The following SAMD12 variants were observed in gnomAD, a reference collection of about 807,000 sequenced individuals.
The protein encoded by SAMD12 is sterile alpha motif domain containing 12.
In SAMD12, 9 loss-of-function variants were observed where a neutral mutation model predicts 15.0. The ratio of observed to expected loss-of-function variants is 0.60; its 90% CI spans 0.36 to 1.05. The LOEUF is 1.05. Ranked by LOEUF, SAMD12 falls within the 50% of genes least tolerant of loss-of-function variation. The pLI is 0.01. For missense variants in SAMD12, 230 were observed against 234.2 expected (o/e 0.98, Z 0.12); for synonymous variants, 86 against 90.1 (o/e 0.96, Z 0.25).
chr8:118,505,452 T>G (rs1824896699), intron 2 of SAMD12, among the ~76,000 whole-genome samples: 1 of 152,024 alleles, frequency 6.6e-6, no homozygotes, highest in Non-Finnish European at 1.5e-5. Context: ...GTGAAGTTGT[T>G]AGGTTGGCTT....
the SAMD12 span, among the ~76,000 whole-genome samples, chr8:118,163,649 G>A: frequency 6.6e-6 from 1 of 151,810 alleles, no homozygotes; most frequent in East Asian, 2.0e-4. Flanking sequence ...GCCGAGGCGG[G>A]CGGATCACGA....
At chr8:118,227,028 A>G (rs368122855) in intron 4 of SAMD12, among the ~76,000 whole-genome samples, 1 of 152,200 alleles carries the variant, frequency 6.6e-6, no homozygotes, top group Non-Finnish European at 1.5e-5. Context: ...ATATACCTAG[A>G]AGAGTATAAA....
Position 118,207,984 on chromosome 8 carries a change from T to C in SAMD12, c.434-10252A>G, listed in dbSNP as rs547912653. ...GAAATATCTCTTTTGGAAACAAAGC[T>C]ATGCAAGATAAAAATGTATTAATGA... On this transcript the variant is annotated intron_variant, in intron 4 of 4. Coordinates refer to the SAMD12 transcript ENST00000409003. 1.0e-3 allele frequency among the ~76,000 whole-genome samples: 155 copies of C among 152,094 alleles called. 1 individual carries two copies. Among genetic ancestry groups the C allele is most frequent in the Admixed American group, 3.3e-3 (50 of 15,264 alleles).
intron 1 of SAMD12, among the ~76,000 whole-genome samples, chr8:118,587,331 T>C (rs1827478341): frequency 6.6e-6 from 1 of 152,232 alleles, no homozygotes; most frequent in African/African-American, 2.4e-5. Context: ...TATTCTGGAT[T>C]CGAATTCAGC....
chr8:118,170,137 CTG>C, the SAMD12 span, among the ~76,000 whole-genome samples: 1 of 152,090 alleles, frequency 6.6e-6, no homozygotes, highest in African/African-American at 2.4e-5. Context: ...TGACTACTAG[CTG>C]TGTGAGGCAA....
intron 4 of SAMD12, among the ~76,000 whole-genome samples, chr8:118,282,804 CATTTT>C (rs1813717023): frequency 6.6e-6 from 1 of 151,954 alleles, no homozygotes; most frequent in South Asian, 2.1e-4. Flanking sequence ...GCAATCTTTT[CATTTT>C]AATTTTATAT....
At chr8:118,554,771 T>C (rs1365309002) in intron 2 of SAMD12, among the ~76,000 whole-genome samples, 1 of 152,106 alleles carries the variant, frequency 6.6e-6, no homozygotes, top group Non-Finnish European at 1.5e-5. Flanking sequence ...CCCAATCAGT[T>C]GAAGGCCTCA....
Position 118,602,333 on chromosome 8 carries a change from T to C in SAMD12, c.13+19471A>G, listed in dbSNP as rs367551899. On this transcript the variant is annotated intron_variant, in intron 1 of 3. Coordinates refer to ENST00000314727, the MANE Select transcript of SAMD12 (RefSeq NM_207506.3). ...ATATGATTCAGAAAGCCCAATGCTGTGTGCAAGATCTGAATTCATTTAACA... is the reference window on the plus strand; with the variant it reads ...ATATGATTCAGAAAGCCCAATGCTGCGTGCAAGATCTGAATTCATTTAACA... Among the ~76,000 whole-genome samples the C allele has an allele frequency of 4.6e-5, 7 of 152,356 alleles. No homozygotes were observed. The East Asian group carries it at 7.7e-4, about 17-fold the overall frequency.
At chr8:118,369,393 A>C (rs767206929) in intron 4 of SAMD12, among the ~76,000 whole-genome samples, 3 of 152,170 alleles carry the variant, frequency 2.0e-5, no homozygotes, top group Non-Finnish European at 4.4e-5. Flanking sequence ...CTTACACTTT[A>C]TACAAAAATT....
At position 118,362,581 on chromosome 8, in the gene SAMD12, T is replaced by C. The variant is rs79295736; in HGVS notation, c.433+16979A>G. On this transcript the variant is annotated intron_variant, in intron 4 of 4. Coordinates refer to the SAMD12 transcript ENST00000409003. Reference sequence around the variant, plus strand: ...CTTAGTTTTCAGAATCTCCATATACTACCTTCACCAATGTTTAATAGTTTT... The same window carrying C: ...CTTAGTTTTCAGAATCTCCATATACCACCTTCACCAATGTTTAATAGTTTT... Among the ~76,000 whole-genome samples, 1,231 of 152,314 alleles carry C rather than the reference T, an allele frequency of 8.1e-3. 18 individuals carry two copies. The highest frequency in any genetic ancestry group is 0.028 in the African/African-American group (1,173 of 41,562).
intron 2 of SAMD12, among the ~76,000 whole-genome samples, chr8:118,513,986 A>T (rs1389934652): frequency 1.3e-5 from 2 of 152,250 alleles, no homozygotes; most frequent in African/African-American, 4.8e-5. Context: ...TCTAACAAAC[A>T]GCTAAAATGC....
At position 118,378,372 on chromosome 8, in the gene SAMD12, T is replaced by C. The variant is rs1307853016; in HGVS notation, c.*1045A>G. ...AAGAAGCTTAAAAGCCTATCAGTAT[T>C]TCACATTCAAATTTAAATCACTTAG... On this transcript the variant is annotated 3_prime_UTR_variant, in exon 4 of 4. Transcript: ENST00000314727. 3.2e-6 allele frequency: 3 copies of C among 947,304 alleles called. No homozygotes were observed. Among genetic ancestry groups the C allele is most frequent in the Admixed American group, 6.2e-5 (1 of 16,190 alleles). The allele number at this position is 947,304 out of a possible 1,614,324, so 58.7% of individuals were successfully genotyped here.
chr8:118,169,428 T>C, the SAMD12 span, among the ~76,000 whole-genome samples: 4 of 152,094 alleles, frequency 2.6e-5, no homozygotes, highest in Admixed American at 6.5e-5. Context: ...AAATATGTGA[T>C]TTTGAAAAGC....
At chr8:118,315,955 T>C (rs1387131151) in intron 4 of SAMD12, among the ~76,000 whole-genome samples, 1 of 152,204 alleles carries the variant, frequency 6.6e-6, no homozygotes. Context: ...TACCATCTTC[T>C]TTTTGATGTG....
chr8:118,514,459 G>C (rs1825174734), intron 2 of SAMD12, among the ~76,000 whole-genome samples: 1 of 152,152 alleles, frequency 6.6e-6, no homozygotes. Context: ...CTGTAAGTCA[G>C]ACATTCTCAT....
intron 2 of SAMD12, among the ~76,000 whole-genome samples, chr8:118,523,190 G>A (rs1318603484): frequency 6.6e-6 from 1 of 152,198 alleles, no homozygotes. Flanking sequence ...CTTTCAGACT[G>A]CTGACATGGT....
rs1354173843 is a variant in SAMD12 at position 118,621,820 on chromosome 8, C to G, written c.-4G>C. Reference sequence around the variant, plus strand: ...GTCCCTTACCTTCCACAGCCATTCTCTCAGAGCTTCCCTAACGCATGCATA... The same window carrying G: ...GTCCCTTACCTTCCACAGCCATTCTGTCAGAGCTTCCCTAACGCATGCATA... On this transcript the variant is annotated 5_prime_UTR_variant, in exon 1 of 4. Coordinates refer to ENST00000314727, the MANE Select transcript of SAMD12 (RefSeq NM_207506.3). 4.3e-6 allele frequency: 7 copies of G among 1,614,156 alleles called. No individual in the cohort carries two copies. The highest frequency in any genetic ancestry group is 5.9e-6 in the Non-Finnish European group (7 of 1,179,998).
intron 4 of SAMD12, among the ~76,000 whole-genome samples, chr8:118,249,944 A>C (rs186611075): frequency 1.1e-3 from 166 of 152,268 alleles, no homozygotes; most frequent in African/African-American, 3.8e-3. Flanking sequence ...CAGCAGGCAG[A>C]AGCCTCTGAG....
chr8:118,132,949 GT>G, the SAMD12 span, among the ~76,000 whole-genome samples: 1 of 114,316 alleles, frequency 8.7e-6, no homozygotes, highest in Non-Finnish European at 1.8e-5. Flanking sequence ...GATTCTTATG[GT>G]AGCTAACATA....
Sources: gnomAD v4.1 joint callset for allele counts (sites outside exome capture counted in the v4.1 genomes callset) on GRCh38, gnomAD v4.1.1 for gene constraint, MANE v1.5 for transcripts, NCBI Gene and HGNC (gene_info 2026-07-23, HGNC 2026-07-21) for gene names.